POLRMT: variants seen among roughly 807,000 people sequenced by gnomAD.
POLRMT encodes the protein RNA polymerase mitochondrial, also known as DNA-directed RNA polymerase, mitochondrial.
POLRMT carries 114 observed loss-of-function variants against 132.2 expected under a neutral mutation model. The ratio of observed to expected loss-of-function variants is 0.86; its 90% CI spans 0.74 to 1.01. The LOEUF (loss-of-function observed/expected upper bound fraction) is 1.01, where lower values mean the gene tolerates loss of function less well. Among genes scored for constraint, POLRMT ranks in the 50% least tolerant of loss-of-function variants. The pLI is 0.00. For missense variants in POLRMT, 2,003 were observed against 1,729.1 expected (o/e 1.16, Z -2.81); for synonymous variants, 1,020 against 773.4 (o/e 1.32, Z -5.29).
In POLRMT at chr19:621,575, C is replaced by T. The variant is rs1430711151; in HGVS notation, c.2123G>A (p.Arg708His). The T allele has an allele frequency of 7.5e-6, 11 of 1,464,104 alleles. No individual in the cohort carries two copies. The highest frequency in any genetic ancestry group is 9.0e-6 in the Non-Finnish European group (10 of 1,111,642). The allele number at this position is 1,464,104 out of a possible 1,614,324, so 90.7% of individuals were successfully genotyped here. ...CAGGTCCAGCACGCGCCCGTTGACG[C>T]GCCAGGCGCAGTTGCCCAGTTGGGT... ...ALTQLGNCAW[R>H]VNGRVLDLVL... The change falls in exon 10 of 21, where the codon CGC becomes CAC. Residue 708 changes from arginine (R) to histidine (H), a missense_variant. Transcript: ENST00000588649.
At chr19:625,411 G>C in intron 3 of POLRMT, 157 bp from the exon 4 acceptor site, 1 of 956,104 alleles carries the variant, frequency 1.0e-6, no homozygotes, top group Admixed American at 2.9e-5. Context: ...ATCCCCCTGA[G>C]GTTCTGACAC....
intron 20 of POLRMT, 25 bp from the exon 21 acceptor site, chr19:617,348 C>G: frequency 6.2e-7 from 1 of 1,612,636 alleles, no homozygotes; most frequent in African/African-American, 1.3e-5. Context: ...GAGCGGACGG[C>G]GTGGGTGGCG....
chr19:620,748 G>A (rs1357690844), intron 10 of POLRMT, among the ~76,000 whole-genome samples: 1 of 142,088 alleles, frequency 7.0e-6, no homozygotes, highest in Non-Finnish European at 1.5e-5. Context: ...GAGGACCTGG[G>A]GGCGCCGGGG....
chr19:618,705 C>G lies in POLRMT; in HGVS notation c.3323G>C (p.Arg1108Pro). Reference protein sequence around the residue: ...ITYTHNGDISRKPNTRKQKNG... With the variant: ...ITYTHNGDISPKPNTRKQKNG... Reference sequence around the variant, plus strand: ...GCCCCAGCCCGGGCCCCCCACTCACCGGCTGATGTCTCCGTTGTGGGTGTA... The same window carrying G: ...GCCCCAGCCCGGGCCCCCCACTCACGGGCTGATGTCTCCGTTGTGGGTGTA... Residue 1108 changes from arginine (R) to proline (P), a missense_variant and splice_region_variant, in exon 16 of 21, where the codon CGA becomes CCA. By Grantham distance (103) the Arg-to-Pro change is moderately radical. Coordinates refer to ENST00000588649, the MANE Select transcript of POLRMT (RefSeq NM_005035.4). 1 of 1,607,382 alleles carries G rather than the reference C, an allele frequency of 6.2e-7. No homozygotes were observed. Among genetic ancestry groups the G allele is most frequent in the South Asian group, 1.1e-5 (1 of 90,290 alleles).
intron 11 of POLRMT, 96 bp downstream of exon 11, chr19:620,269 A>G (rs2144595261): frequency 6.8e-7 from 1 of 1,462,042 alleles, no homozygotes; most frequent in East Asian, 2.5e-5. Context: ...ACCTCCAGAG[A>G]ATACCACGAG....
Position 621,302 on chromosome 19 carries a change from T to A in POLRMT, c.2396A>T (p.Asn799Ile). The stretch of plus-strand genomic sequence containing the variant: ...GTAGGTGCGGCCGCGGAAGTCCATG[T>A]TGTGCGGCAGCCAGAAGACGCGGTC... ...LRDRVFWLPH[N>I]MDFRGRTYPC... Residue 799 changes from asparagine (N) to isoleucine (I), a missense_variant, in exon 10 of 21, where the codon AAC (asparagine) becomes ATC (isoleucine). By Grantham distance (149) the Asn-to-Ile change is moderately radical. Coordinates refer to ENST00000588649, the MANE Select transcript of POLRMT (RefSeq NM_005035.4). The A allele has an allele frequency of 6.2e-7, 1 of 1,601,860 alleles. No homozygotes were observed. Among genetic ancestry groups the A allele is most frequent in the Non-Finnish European group, 8.5e-7 (1 of 1,177,410 alleles).
chr19:633,529 G>GGCGGCGCCGCCGCCGCCGCCGCCGCC lies in POLRMT; in HGVS notation c.-18_-17insGGCGGCGGCGGCGGCGGCGGCGCCGC. ...TGCCGACATTACGCACGCCGCTCCA[G>GGCGGCGCCGCCGCCGCCGCCGCCGCC]GCCACCCCACCGGCCCGCGCCTGCG... On this transcript the variant is annotated 5_prime_UTR_variant, in exon 1 of 21. Transcript: ENST00000588649. 3 of 1,463,692 alleles carry GGCGGCGCCGCCGCCGCCGCCGCCGCC rather than the reference G, an allele frequency of 2.0e-6. No homozygotes were observed. The highest frequency in any genetic ancestry group is 2.5e-4 in the Middle Eastern group (1 of 4,038). The allele number at this position is 1,463,692 out of a possible 1,614,324, so 90.7% of individuals were successfully genotyped here. A position where few individuals can be genotyped will look rare whatever the true frequency, so the allele number is the denominator to read the frequency against.
At chr19:631,239 A>T (rs1985391518) in intron 2 of POLRMT, among the ~76,000 whole-genome samples, 1 of 151,532 alleles carries the variant, frequency 6.6e-6, no homozygotes, top group Non-Finnish European at 1.5e-5. Context: ...GAGGTGAAAG[A>T]ATCACCTAAG....
At chr19:631,759 T>C (rs1416616407) in intron 2 of POLRMT, among the ~76,000 whole-genome samples, 1 of 152,168 alleles carries the variant, frequency 6.6e-6, no homozygotes, top group Non-Finnish European at 1.5e-5. Flanking sequence ...TGTTTTGTTT[T>C]TGAGATGGAA....
rs376444116 is a variant in POLRMT at position 622,810 on chromosome 19, G to A, written c.1455+11C>T. On this transcript the variant is annotated intron_variant, in intron 7 of 20. Coordinates refer to ENST00000588649, the MANE Select transcript of POLRMT (RefSeq NM_005035.4). ...CCGCCCGGGGACCCGGCCGCGCGGA[G>A]GAAGACGCACCTGCAGGAGCATCCG... The A allele has an allele frequency of 3.4e-4, 536 of 1,581,188 alleles. 5 individuals carry two copies. In the African/African-American group the frequency reaches 6.4e-3, roughly 19 times the overall value.
chr19:620,601 G>A (rs1984450754), intron 10 of POLRMT, 114 bp from the exon 11 acceptor site: 4 of 1,286,848 alleles, frequency 3.1e-6, no homozygotes, highest in South Asian at 1.6e-5. Context: ...CCGTGATAGT[G>A]AACACGGGAC....
rs1434745345 is a variant in POLRMT, at chr19:622,594, G to A, written c.1614C>T (p.Ala538=). Residue 538 remains alanine, a synonymous_variant, in exon 8 of 21, where the codon GCC becomes GCT. Coordinates refer to ENST00000588649, the MANE Select transcript of POLRMT (RefSeq NM_005035.4). ...GTGCGAGCCTCACCTCGGCGTCGGA[G>A]GCCAGCAAGCAGAGGTACTTCCTGT... The part of the protein sequence containing the change: ...NHYRKYLCLL[A]SDAEVPEPCL... 1 of 1,602,912 alleles carries A rather than the reference G, an allele frequency of 6.2e-7. No homozygotes were observed. The highest frequency in any genetic ancestry group is 8.5e-7 in the Non-Finnish European group (1 of 1,175,096).
At chr19:623,317 G>A (rs777701755) in intron 6 of POLRMT, 137 bp downstream of exon 6, 16 of 1,417,188 alleles carry the variant, frequency 1.1e-5, no homozygotes, top group Admixed American at 7.3e-5. Flanking sequence ...CATACACGGA[G>A]CTCAGCCCCT....
At chr19:627,177 A>C (rs1188493447) in intron 3 of POLRMT, among the ~76,000 whole-genome samples, 1 of 117,536 alleles carries the variant, frequency 8.5e-6, no homozygotes, top group African/African-American at 3.3e-5. Flanking sequence ...TTTGAGACGG[A>C]GTCTCGCTCT....
chr19:617,683 G>T, intron 18 of POLRMT, 28 bp from the exon 19 acceptor site: 1 of 1,612,452 alleles, frequency 6.2e-7, no homozygotes, highest in Non-Finnish European at 8.5e-7. Flanking sequence ...GATCCCCAGG[G>T]GTGATCAGGC....
intron 2 of POLRMT, among the ~76,000 whole-genome samples, chr19:632,615 G>T (rs186633323): frequency 2.0e-5 from 3 of 152,286 alleles, no homozygotes; most frequent in Non-Finnish European, 4.4e-5. Flanking sequence ...GGGGTTCTGG[G>T]GAGGGGGAAT....
At chr19:625,933 C>T (rs186001965) in intron 3 of POLRMT, among the ~76,000 whole-genome samples, 28 of 152,188 alleles carry the variant, frequency 1.8e-4, no homozygotes, top group Admixed American at 1.1e-3. Context: ...GAACTCCTGA[C>T]ATCGTGATCC....
At position 623,614 on chromosome 19, in the gene POLRMT, G is replaced by A; in HGVS notation, c.1141-11C>T. The A allele has an allele frequency of 1.9e-6, 3 of 1,612,904 alleles. No individual in the cohort carries two copies. The highest frequency in any genetic ancestry group is 2.5e-6 in the Non-Finnish European group (3 of 1,179,504). ...GGACACACGCCCATCCTGCAGGGAT[G>A]GGGGTAGTGAGGTTGGGGGCTTGCC... On this transcript the variant is annotated splice_polypyrimidine_tract_variant and intron_variant, in intron 5 of 20. Transcript: ENST00000588649.
In POLRMT at chr19:621,016, G is replaced by A. The variant is rs746124373; in HGVS notation, c.2640+42C>T. 58 of 1,040,910 alleles carry A rather than the reference G, an allele frequency of 5.6e-5. 2 individuals are homozygous for A. The Admixed American group carries it at 1.7e-3, about 30-fold the overall frequency. The allele number at this position is 1,040,910 out of a possible 1,614,324, so 64.5% of individuals were successfully genotyped here. A position where few individuals can be genotyped will look rare whatever the true frequency, so the allele number is the denominator to read the frequency against. On this transcript the variant is annotated intron_variant, in intron 10 of 20. Transcript: ENST00000588649. ...CGCGGGGGCGCCGGGGGAGGGCGCG[G>A]GGGTGCCGGGAGGGCGGGGAATGCG...
Sources: allele counts gnomAD v4.1 joint callset (sites outside exome capture counted in the v4.1 genomes callset), GRCh38; gene constraint gnomAD v4.1.1; transcripts MANE v1.5; gene names NCBI Gene and HGNC (gene_info 2026-07-23, HGNC 2026-07-21).